Variants in ARID1B observed in about 807,000 individuals in gnomAD.
The protein encoded by ARID1B is AT-rich interactive domain-containing protein 1B.
ARID1B carries 30 observed loss-of-function variants against 212.3 expected under a neutral mutation model. The ratio of observed to expected loss-of-function variants is 0.14; its 90% CI spans 0.11 to 0.19. ARID1B has a LOEUF of 0.19. Ranked by LOEUF, ARID1B falls within the 10% of genes least tolerant of loss-of-function variation. ARID1B has a pLI of 1.00. For synonymous variants in ARID1B, 1,402 were observed against 1,301.7 expected (o/e 1.08, Z -1.66); for missense variants, 2,891 against 3,204.0 (o/e 0.90, Z 2.36).
At chr6:156,837,262 T>C (rs575145255) in intron 2 of ARID1B, among the ~76,000 whole-genome samples, 8 of 152,240 alleles carry the variant, frequency 5.3e-5, no homozygotes, top group Non-Finnish European at 8.8e-5. Context: ...GTAGAAAATC[T>C]TAAGGTTGAC....
In ARID1B at chr6:157,167,414, G is replaced by A. The variant is rs1472108730; in HGVS notation, c.3235+229G>A. ...TTCAATCTGTGTTTGTATAACAAGT[G>A]GACATATTTCAAGTATTATTGGAGA... On this transcript the variant is annotated intron_variant, in intron 9 of 19. Transcript: ENST00000636930. 7.4e-6 allele frequency: 3 copies of A among 404,144 alleles called. No homozygotes were observed. In the East Asian group the frequency reaches 1.3e-4, roughly 17 times the overall value. 25.0% of individuals were successfully genotyped at this position (404,144 alleles called of 1,614,324 possible). A position where few individuals can be genotyped will look rare whatever the true frequency, so the allele number is the denominator to read the frequency against.
intron 8 of ARID1B, among the ~76,000 whole-genome samples, chr6:157,158,731 C>G (rs900326749): frequency 5.3e-5 from 8 of 152,172 alleles, no homozygotes; most frequent in Non-Finnish European, 1.2e-4. Flanking sequence ...ACCTTGTGAC[C>G]TTGGAAGGGA....
chr6:156,860,994 A>T (rs1375132721), intron 2 of ARID1B, among the ~76,000 whole-genome samples: 1 of 152,228 alleles, frequency 6.6e-6, no homozygotes, highest in East Asian at 1.9e-4. Context: ...TACACATTCC[A>T]GGCCCTCAGA....
chr6:157,124,028 T>C (rs1787964402), intron 6 of ARID1B, among the ~76,000 whole-genome samples: 1 of 152,246 alleles, frequency 6.6e-6, no homozygotes, highest in South Asian at 2.1e-4. Flanking sequence ...ATTTAGGCCA[T>C]GGAAATAATT....
chr6:156,969,658 A>G (rs957076557), intron 4 of ARID1B, among the ~76,000 whole-genome samples: 3 of 152,224 alleles, frequency 2.0e-5, no homozygotes, highest in East Asian at 1.9e-4. Context: ...CCTTATTCCA[A>G]TGGTACTAGC....
At chr6:156,840,778 C>CA (rs201458245) in intron 2 of ARID1B, among the ~76,000 whole-genome samples, 49,862 of 152,046 alleles carry the variant, frequency 0.33, 8,430 homozygotes, top group Middle Eastern at 0.44. Context: ...GTCTTGCTGT[C>CA]TTGCTGTGTC....
At chr6:156,986,592 G>A (rs748688244) in intron 4 of ARID1B, among the ~76,000 whole-genome samples, 2 of 152,096 alleles carry the variant, frequency 1.3e-5, no homozygotes, top group Non-Finnish European at 1.5e-5. Flanking sequence ...TTATGTCTTC[G>A]GTGAAGATTA....
intron 2 of ARID1B, among the ~76,000 whole-genome samples, chr6:156,852,568 C>T (rs1374589224): frequency 6.6e-6 from 1 of 152,048 alleles, no homozygotes; most frequent in African/African-American, 2.4e-5. Context: ...ATTTTTCCCC[C>T]TCTGAGCCCC....
chr6:156,915,771 C>T (rs1001382390), intron 3 of ARID1B, among the ~76,000 whole-genome samples: 1 of 151,906 alleles, frequency 6.6e-6, no homozygotes, highest in African/African-American at 2.4e-5. Flanking sequence ...TGGTGCATAC[C>T]TGTAGTTGCA....
chr6:156,817,089 A>G (rs1434485148), intron 1 of ARID1B, among the ~76,000 whole-genome samples: 5 of 151,870 alleles, frequency 3.3e-5, no homozygotes, highest in Non-Finnish European at 7.4e-5. Flanking sequence ...TTAAAAAAAA[A>G]AAAGAAAAAA....
chr6:157,086,633 CAT>C (rs1784986570), intron 5 of ARID1B, among the ~76,000 whole-genome samples: 2 of 152,216 alleles, frequency 1.3e-5, no homozygotes, highest in Non-Finnish European at 2.9e-5. Flanking sequence ...AGACTTTCCA[CAT>C]GTCTGTCCTT....
intron 4 of ARID1B, among the ~76,000 whole-genome samples, chr6:157,061,077 C>G (rs1268673192): frequency 1.3e-5 from 2 of 152,230 alleles, no homozygotes; most frequent in African/African-American, 4.8e-5. Flanking sequence ...ACTCGTGACT[C>G]AGGCTGTCCC....
rs188243545 is a variant in ARID1B at position 157,202,862 on chromosome 6, T to C, written c.5264-1004T>C. 2.8e-3 allele frequency among the ~76,000 whole-genome samples: 425 copies of C among 151,170 alleles called. 1 individual carries two copies. Among genetic ancestry groups the C allele is most frequent in the Non-Finnish European group, 4.8e-3 (327 of 67,770 alleles). ...GCACCATTTTATATATAGAAATATA[T>C]ACACACACACACACGTGTATTGTGT... On this transcript the variant is annotated intron_variant, in intron 18 of 19. Coordinates refer to ENST00000636930, the MANE Select transcript of ARID1B (RefSeq NM_001374828.1).
intron 4 of ARID1B, among the ~76,000 whole-genome samples, chr6:157,008,332 A>T (rs936231922): frequency 6.6e-6 from 1 of 152,172 alleles, no homozygotes; most frequent in Non-Finnish European, 1.5e-5. Flanking sequence ...TCATTCCCTC[A>T]GCCATGGCTA....
intron 4 of ARID1B, chr6:156,940,478 G>A (rs1351927862): frequency 6.6e-6 from 1 of 152,218 alleles, no homozygotes; most frequent in Non-Finnish European, 1.5e-5. Context: ...TGAAAGGAAG[G>A]AGGTAGTAAA....
intron 1 of ARID1B, among the ~76,000 whole-genome samples, chr6:156,796,287 C>G (rs768089690): frequency 6.6e-6 from 1 of 152,130 alleles, no homozygotes; most frequent in Non-Finnish European, 1.5e-5. Context: ...CCTAACCCAT[C>G]TCAAGCAAAT....
At chr6:156,941,298 T>TC (rs1421798075) in intron 4 of ARID1B, 1 of 152,144 alleles carries the variant, frequency 6.6e-6, no homozygotes, top group Non-Finnish European at 1.5e-5. Flanking sequence ...TGGTGCCCTG[T>TC]CCCCCAGAAC....
chr6:157,124,867 C>T (rs1788033204), intron 6 of ARID1B, among the ~76,000 whole-genome samples: 1 of 151,946 alleles, frequency 6.6e-6, no homozygotes, highest in Non-Finnish European at 1.5e-5. Flanking sequence ...CTGAAATGGG[C>T]TAATAATGAA....
In ARID1B at chr6:157,041,763, T is replaced by C. The variant is rs77478327; in HGVS notation, c.2248-42899T>C. Among the ~76,000 whole-genome samples the C allele has an allele frequency of 3.9e-5, 6 of 152,274 alleles. No individual in the cohort carries two copies. The East Asian group carries it at 1.2e-3, about 29-fold the overall frequency. The stretch of plus-strand genomic sequence containing the variant: ...CCCAGCACCTTCTCTGTTTTCTGAA[T>C]GTCCTGATCACTGATGGAACTGATA... On this transcript the variant is annotated intron_variant, in intron 4 of 19. Transcript: ENST00000636930.
Sources: allele counts gnomAD v4.1 joint callset (sites outside exome capture counted in the v4.1 genomes callset), GRCh38; gene constraint gnomAD v4.1.1; transcripts MANE v1.5; gene names NCBI Gene and HGNC (gene_info 2026-07-23, HGNC 2026-07-21).